Variants in MRC1 observed in about 807,000 individuals in gnomAD.
MRC1 encodes mannose receptor C-type 1, also known as macrophage mannose receptor 1.
A neutral mutation model predicts 102.9 loss-of-function variants in MRC1; 62 were observed. That is an observed-to-expected ratio of 0.60 (90% CI 0.49 to 0.74). MRC1 has a LOEUF of 0.74. MRC1 is among the 30% of genes least tolerant of loss of function. The pLI is 0.00. For synonymous variants in MRC1, 457 were observed against 298.4 expected (o/e 1.53, Z -5.48); for missense variants, 1,237 against 862.8 (o/e 1.43, Z -5.43).
chr10:17,815,004 T>C (rs1333642464), intron 1 of MRC1, among the ~76,000 whole-genome samples: 2 of 152,066 alleles, frequency 1.3e-5, no homozygotes, highest in African/African-American at 4.8e-5. Flanking sequence ...TTCTCTGCTC[T>C]TTCATTTCAT....
At chr10:17,909,155 C>G in intron 28 of MRC1, 151 bp from the exon 29 acceptor site, 1 of 654,392 alleles carries the variant, frequency 1.5e-6, no homozygotes. Context: ...TTTTTTCTAC[C>G]TGTATTTTTA....
At chr10:17,871,459 A>G (rs1383107855) in intron 14 of MRC1, among the ~76,000 whole-genome samples, 1 of 152,220 alleles carries the variant, frequency 6.6e-6, no homozygotes, top group African/African-American at 2.4e-5. Flanking sequence ...TAGAGGACCT[A>G]GACCCAGGGC....
chr10:17,898,051 C>A lies in MRC1; in HGVS notation c.3268C>A (p.Pro1090Thr), dbSNP rs1260230355. The change falls in exon 24 of 30, where the codon CCT becomes ACT. Residue 1090 changes from proline (P) to threonine (T), a missense_variant. Transcript: ENST00000569591. ...TTATCTAGACCCTTCCTTGACTAAT[C>A]CTCCAGCAACGATTCAAACAGATGG... ...QTRSDPSLTNPPATIQTDGFV... is the reference protein window; with the variant it reads ...QTRSDPSLTNTPATIQTDGFV... 1.3e-6 allele frequency: 1 copy of A among 780,680 alleles called. No homozygotes were observed. The highest frequency in any genetic ancestry group is 2.4e-6 in the Non-Finnish European group (1 of 417,932). 48.4% of individuals were successfully genotyped at this position (780,680 alleles called of 1,614,324 possible). A position where few individuals can be genotyped will look rare whatever the true frequency, so the allele number is the denominator to read the frequency against.
chr10:17,862,016 A>T (rs1210652735), intron 10 of MRC1, among the ~76,000 whole-genome samples: 1 of 152,182 alleles, frequency 6.6e-6, no homozygotes, highest in Non-Finnish European at 1.5e-5. Flanking sequence ...CTAGGGTCCT[A>T]TCTATTTTTA....
chr10:17,840,412 A>G (rs1204669078), intron 4 of MRC1, among the ~76,000 whole-genome samples: 1 of 152,256 alleles, frequency 6.6e-6, no homozygotes, highest in Non-Finnish European at 1.5e-5. Flanking sequence ...GATAATAGTC[A>G]AGATGATGGG....
intron 2 of MRC1, among the ~76,000 whole-genome samples, chr10:17,825,265 T>G (rs1312953279): frequency 6.6e-6 from 1 of 152,050 alleles, no homozygotes; most frequent in Non-Finnish European, 1.5e-5. Flanking sequence ...ATAGGAATTA[T>G]TTTAGAAGAA....
intron 6 of MRC1, among the ~76,000 whole-genome samples, chr10:17,846,645 T>A (rs1838829937): frequency 6.6e-6 from 1 of 152,178 alleles, no homozygotes; most frequent in African/African-American, 2.4e-5. Context: ...AACAAATATA[T>A]TTATAATTAT....
intron 29 of MRC1, among the ~76,000 whole-genome samples, chr10:17,909,898 C>G (rs1237553332): frequency 6.6e-6 from 1 of 151,922 alleles, no homozygotes; most frequent in Non-Finnish European, 1.5e-5. Context: ...CATTACTAAT[C>G]TACTTATCTT....
Position 17,911,041 on chromosome 10 carries a change from T to C in MRC1, c.*576T>C, listed in dbSNP as rs1211666593. The stretch of plus-strand genomic sequence containing the variant: ...TTACAGGCTGAGTGTTGCAAATGTG[T>C]TCTTTGTCCTGTTATATGTATATCA... On this transcript the variant is annotated 3_prime_UTR_variant, in exon 30 of 30. Coordinates refer to ENST00000569591, the MANE Select transcript of MRC1 (RefSeq NM_002438.4). The C allele has an allele frequency of 6.2e-6, 1 of 162,154 alleles. No individual in the cohort carries two copies. The highest frequency in any genetic ancestry group is 2.4e-5 in the African/African-American group (1 of 41,472). 10.0% of individuals were successfully genotyped at this position (162,154 alleles called of 1,614,324 possible).
intron 6 of MRC1, among the ~76,000 whole-genome samples, chr10:17,849,068 C>T (rs1300900846): frequency 3.3e-5 from 5 of 150,708 alleles, no homozygotes; most frequent in African/African-American, 1.2e-4. Flanking sequence ...ATGCTTAGTT[C>T]AGGTTTGCTG....
Position 17,840,708 on chromosome 10 carries a change from T to C in MRC1, c.818T>C (p.Leu273Ser), listed in dbSNP as rs2130625626. Reference sequence around the variant, plus strand: ...AAAAATATAGGATTAACCAGTTCCTTGACCTCAGGACTCTGGATTGGACTT... The same window carrying C: ...AAAAATATAGGATTAACCAGTTCCTCGACCTCAGGACTCTGGATTGGACTT... The part of the protein sequence containing the change: ...QTYLTGLTSS[L>S]TSGLWIGLNS... The change falls in exon 5 of 30, where the codon TTG becomes TCG. Residue 273 changes from leucine (L) to serine (S), a missense_variant. Transcript: ENST00000569591. The C allele has an allele frequency of 2.6e-6, 2 of 780,904 alleles. No individual in the cohort carries two copies. Among genetic ancestry groups the C allele is most frequent in the East Asian group, 4.8e-5 (2 of 41,250 alleles). The allele number at this position is 780,904 out of a possible 1,614,324, so 48.4% of individuals were successfully genotyped here. A position where few individuals can be genotyped will look rare whatever the true frequency, so the allele number is the denominator to read the frequency against.
At chr10:17,816,629 GT>G (rs1236662332) in intron 1 of MRC1, among the ~76,000 whole-genome samples, 23 of 152,206 alleles carry the variant, frequency 1.5e-4, no homozygotes, top group East Asian at 9.6e-4. Context: ...AAAAGGCGTG[GT>G]GCTGGCGTTT....
At chr10:17,849,851 A>G in intron 7 of MRC1, 87 bp downstream of exon 7, 1 of 648,246 alleles carries the variant, frequency 1.5e-6, no homozygotes, top group Non-Finnish European at 2.8e-6. Flanking sequence ...TATCATAAAC[A>G]TCAAATTTAA....
rs1554838910 is a variant in MRC1, at chr10:17,829,561, A to G, written c.637+1846A>G. On this transcript the variant is annotated intron_variant, in intron 3 of 29. Coordinates refer to ENST00000569591, the MANE Select transcript of MRC1 (RefSeq NM_002438.4). ...TTTGATTTCCATTCAAGGTTTTTAG[A>G]TGTCGAATTTTGTATTCGAAGTATT... Among the ~76,000 whole-genome samples, 15 of 151,630 alleles carry G rather than the reference A, an allele frequency of 9.9e-5. No individual in the cohort carries two copies. The South Asian group carries it at 3.1e-3, about 31-fold the overall frequency.
At chr10:17,890,086 G>A (rs1833652072) in intron 22 of MRC1, among the ~76,000 whole-genome samples, 2 of 152,074 alleles carry the variant, frequency 1.3e-5, no homozygotes, top group Non-Finnish European at 2.9e-5. Context: ...CAATTTCACT[G>A]GAGACAGAAT....
chr10:17,867,364 C>CCTT (rs782794499), intron 12 of MRC1, among the ~76,000 whole-genome samples: 47,483 of 141,028 alleles, frequency 0.34, 8,351 homozygotes, highest in East Asian at 0.55. Flanking sequence ...TTCTCCTTCT[C>CCTT]CTTCTTCTTC....
intron 11 of MRC1, among the ~76,000 whole-genome samples, chr10:17,864,739 G>T (rs1833237230): frequency 6.7e-6 from 1 of 148,546 alleles, no homozygotes; most frequent in African/African-American, 2.5e-5. Context: ...TGAGGCAGGA[G>T]AATTGCTTGA....
chr10:17,879,642 CG>C, intron 18 of MRC1, 78 bp from the exon 19 acceptor site: 2 of 780,496 alleles, frequency 2.6e-6, no homozygotes, highest in African/African-American at 3.4e-5. Flanking sequence ...GGATTACAGG[CG>C]TGAGCCACTG....
chr10:17,870,204 C>A (rs1833335106), intron 12 of MRC1, 42 bp from the exon 13 acceptor site: 1 of 763,158 alleles, frequency 1.3e-6, no homozygotes, highest in Non-Finnish European at 2.4e-6. Flanking sequence ...ATTTGATAAA[C>A]TACAAAGCAT....
Sources: allele counts gnomAD v4.1 joint callset (sites outside exome capture counted in the v4.1 genomes callset), GRCh38; gene constraint gnomAD v4.1.1; transcripts MANE v1.5; gene names NCBI Gene and HGNC (gene_info 2026-07-23, HGNC 2026-07-21).